BLTP1: variants seen among roughly 807,000 people sequenced by gnomAD.
The protein encoded by BLTP1 is bridge-like lipid transfer protein family member 1, also known as fragile site-associated protein.
At chr4:122,318,268 C>T in the BLTP1 span, 3 of 1,607,234 alleles carry the variant, frequency 1.9e-6, no homozygotes, top group African/African-American at 1.3e-5. Flanking sequence ...GTCCAGTATG[C>T]GGGTGAGTTC....
chr4:122,341,685 C>T, the BLTP1 span: 10 of 984,108 alleles, frequency 1.0e-5, no homozygotes, highest in East Asian at 6.8e-4. Flanking sequence ...TAGGTTGCGA[C>T]AATATCCATT....
chr4:122,274,957 G>T, the BLTP1 span, among the ~76,000 whole-genome samples: 2 of 152,248 alleles, frequency 1.3e-5, no homozygotes, highest in Admixed American at 1.3e-4. Flanking sequence ...ATAGCTTTCT[G>T]CAATGAGTTT....
chr4:122,341,850 G>A, the BLTP1 span: 306 of 983,474 alleles, frequency 3.1e-4, no homozygotes, highest in Middle Eastern at 5.2e-4. Context: ...ATTTTAAATG[G>A]AAACGTGAAG....
chr4:122,192,960 G>A, the BLTP1 span, among the ~76,000 whole-genome samples: 1 of 152,148 alleles, frequency 6.6e-6, no homozygotes, highest in East Asian at 1.9e-4. Context: ...CCAACAAGGT[G>A]GTGGCATGAT....
the BLTP1 span, among the ~76,000 whole-genome samples, chr4:122,286,209 CT>C: frequency 1.3e-5 from 2 of 152,076 alleles, no homozygotes; most frequent in Non-Finnish European, 2.9e-5. Context: ...ACTTGATTTT[CT>C]TGTTACAATG....
At chr4:122,343,422 T>G in the BLTP1 span, 1 of 1,613,918 alleles carries the variant, frequency 6.2e-7, no homozygotes, top group Admixed American at 1.7e-5. Flanking sequence ...TCATCGGGAT[T>G]AGGCAGCCCT....
At chr4:122,216,532 C>A in the BLTP1 span, among the ~76,000 whole-genome samples, 1 of 152,064 alleles carries the variant, frequency 6.6e-6, no homozygotes, top group Non-Finnish European at 1.5e-5. Flanking sequence ...GAACATTTTT[C>A]GTATGTTTGT....
At chr4:122,346,177 G>A in the BLTP1 span, among the ~76,000 whole-genome samples, 57 of 152,278 alleles carry the variant, frequency 3.7e-4, no homozygotes, top group African/African-American at 1.2e-3. Flanking sequence ...CAGAACTCTG[G>A]AAGAAGGCCA....
chr4:122,198,008 G>A, the BLTP1 span: 1 of 984,724 alleles, frequency 1.0e-6, no homozygotes, highest in Non-Finnish European at 1.2e-6. Context: ...ATCATCATTA[G>A]TGTTTCTGTT....
At chr4:122,305,357 G>A in the BLTP1 span, 2 of 938,942 alleles carry the variant, frequency 2.1e-6, no homozygotes, top group Non-Finnish European at 2.5e-6. Flanking sequence ...ATATAGTAAT[G>A]TTAAATAAAG....
At chr4:122,283,203 C>T in the BLTP1 span, among the ~76,000 whole-genome samples, 5 of 152,240 alleles carry the variant, frequency 3.3e-5, no homozygotes, top group African/African-American at 9.6e-5. Flanking sequence ...TTTAATCTAT[C>T]TTAATCAATT....
chr4:122,229,003 A>AT, the BLTP1 span: 1 of 872,930 alleles, frequency 1.1e-6, no homozygotes, highest in Non-Finnish European at 1.7e-6. Context: ...AATTAGACTG[A>AT]TTTTTAAAAA....
chr4:122,172,470 T>A, the BLTP1 span: 1 of 282,208 alleles, frequency 3.5e-6, no homozygotes, highest in Non-Finnish European at 5.3e-6. Flanking sequence ...TGTAGCATAT[T>A]CAATGACATC....
At chr4:122,157,425 G>T in the BLTP1 span, among the ~76,000 whole-genome samples, 4 of 152,092 alleles carry the variant, frequency 2.6e-5, no homozygotes, top group Non-Finnish European at 5.9e-5. Context: ...TGGGGTTGGT[G>T]GGGGGATGGT....
the BLTP1 span, chr4:122,197,152 TTATAA>T: frequency 5.9e-6 from 5 of 852,404 alleles, no homozygotes; most frequent in South Asian, 1.0e-4. Context: ...GGGAGAATAA[TTATAA>T]TTAATGTTTT....
chr4:122,298,471 TA>T, the BLTP1 span: 1 of 189,176 alleles, frequency 5.3e-6, no homozygotes, highest in African/African-American at 2.4e-5. Flanking sequence ...TTCCTCTCTA[TA>T]ACATAACTCA....
At chr4:122,304,700 G>C in the BLTP1 span, 1 of 1,501,792 alleles carries the variant, frequency 6.7e-7, no homozygotes, top group Non-Finnish European at 8.9e-7. Context: ...TTTAAAACAC[G>C]ACTATTTTAT....
chr4:122,321,523 G>T, the BLTP1 span, among the ~76,000 whole-genome samples: 3 of 113,692 alleles, frequency 2.6e-5, no homozygotes, highest in African/African-American at 9.9e-5. Context: ...ATGTGTGCAT[G>T]TGTATATATG....
At chr4:122,251,415 A>G in the BLTP1 span, 1 of 891,156 alleles carries the variant, frequency 1.1e-6, no homozygotes. Context: ...ACTCACCTTT[A>G]CCCCCCAGAT....
Sources: gnomAD v4.1 joint callset for allele counts (sites outside exome capture counted in the v4.1 genomes callset) on GRCh38, gnomAD v4.1.1 for gene constraint, MANE v1.5 for transcripts, NCBI Gene and HGNC (gene_info 2026-07-23, HGNC 2026-07-21) for gene names.